RIMS2: variants seen among roughly 807,000 people sequenced by gnomAD.
The protein encoded by RIMS2 is regulating synaptic membrane exocytosis protein 2.
In RIMS2, 59 loss-of-function variants were observed where a neutral mutation model predicts 174.4. The observed-to-expected ratio is 0.34, with a 90% CI of 0.27 to 0.42. The LOEUF is 0.42. Ranked by LOEUF, RIMS2 falls within the 10% of genes least tolerant of loss-of-function variation. The probability of loss-of-function intolerance (pLI) is 1.00; values close to 1 mark genes in which losing one functional copy is unlikely to be tolerated. For missense variants in RIMS2, 1,620 were observed against 1,666.3 expected (o/e 0.97, Z 0.48); for synonymous variants, 606 against 572.5 (o/e 1.06, Z -0.84).
At chr8:103,662,178 C>A (rs2096609552) in intron 1 of RIMS2, among the ~76,000 whole-genome samples, 1 of 152,156 alleles carries the variant, frequency 6.6e-6, no homozygotes. Flanking sequence ...CTGTCCTGGG[C>A]CTCATGTGGC....
chr8:103,714,231 G>A (rs1355370124), intron 2 of RIMS2, among the ~76,000 whole-genome samples: 6 of 152,136 alleles, frequency 3.9e-5, no homozygotes, highest in African/African-American at 1.2e-4. Flanking sequence ...CTTACTATGG[G>A]CATGTTATTA....
chr8:103,876,864 T>TTATATATATATATATATA lies in RIMS2; in HGVS notation c.699-8405_699-8388dup, dbSNP rs199997824. On this transcript the variant is annotated intron_variant, in intron 3 of 23. Coordinates refer to ENST00000504942, the Ensembl canonical transcript of RIMS2. Reference sequence around the variant, plus strand: ...TGTATATATACACACACACACTATTTTATATATATATATATATATATATAT... The same window carrying TTATATATATATATATATA: ...TGTATATATACACACACACACTATTTTATATATATATATATATATATATATATATATATATATATATAT... 6.6e-4 allele frequency among the ~76,000 whole-genome samples: 45 copies of TTATATATATATATATATA among 68,042 alleles called. 1 individual carries two copies. The highest frequency in any genetic ancestry group is 1.0e-3 in the Admixed American group (5 of 4,972). The allele number at this position is 68,042 out of a possible 152,430, so 44.6% of individuals were successfully genotyped here. A position where few individuals can be genotyped will look rare whatever the true frequency, so the allele number is the denominator to read the frequency against.
At chr8:103,966,888 A>G (rs1311498898) in intron 15 of RIMS2, among the ~76,000 whole-genome samples, 5 of 151,874 alleles carry the variant, frequency 3.3e-5, no homozygotes, top group African/African-American at 7.2e-5. Flanking sequence ...ATTTAGAAAT[A>G]TATTATTGGG....
intron 1 of RIMS2, among the ~76,000 whole-genome samples, chr8:103,539,164 A>G (rs1453896240): frequency 6.6e-6 from 1 of 152,216 alleles, no homozygotes; most frequent in African/African-American, 2.4e-5. Flanking sequence ...GTATCTGTGA[A>G]TAGCCACTGC....
chr8:104,031,605 T>C (rs532016638), intron 19 of RIMS2, among the ~76,000 whole-genome samples: 103 of 152,260 alleles, frequency 6.8e-4, no homozygotes, highest in African/African-American at 2.4e-3. Context: ...ATCCCTGAAG[T>C]ATATTTAGAT....
rs79473258 is a variant in RIMS2, at chr8:104,244,474, G to A, written c.3335-442G>A. Among the ~76,000 whole-genome samples the A allele has an allele frequency of 8.0e-3, 1,215 of 152,208 alleles. 12 individuals are homozygous for A. The highest frequency in any genetic ancestry group is 0.027 in the African/African-American group (1,136 of 41,514). ...CTCACCATCTGTTTCTTTGTAAATT[G>A]TGTGAAGGCCTGGTTCTTTTACTAT... On this transcript the variant is annotated intron_variant, in intron 19 of 23. Coordinates refer to ENST00000504942, the Ensembl canonical transcript of RIMS2.
intron 19 of RIMS2, among the ~76,000 whole-genome samples, chr8:104,180,545 G>C (rs1179890986): frequency 1.4e-5 from 2 of 148,056 alleles, no homozygotes; most frequent in African/African-American, 2.6e-5. Context: ...AAACAGGAAG[G>C]AGGAGAAGAA....
intron 3 of RIMS2, among the ~76,000 whole-genome samples, chr8:103,864,971 C>G (rs2154503932): frequency 1.3e-5 from 2 of 152,178 alleles, no homozygotes; most frequent in Middle Eastern, 6.8e-3. Flanking sequence ...GCTTTATATT[C>G]AGAATGGATT....
chr8:104,200,331 A>T (rs2099048379), intron 19 of RIMS2, among the ~76,000 whole-genome samples: 1 of 152,228 alleles, frequency 6.6e-6, no homozygotes, highest in South Asian at 2.1e-4. Flanking sequence ...TTGTCCTATC[A>T]GTTCACTTAA....
intron 13 of RIMS2, among the ~76,000 whole-genome samples, chr8:103,942,193 G>A (rs190048610): frequency 5.3e-5 from 8 of 152,182 alleles, no homozygotes; most frequent in Admixed American, 4.6e-4. Context: ...GCCTCTGTGG[G>A]TCCATGTGTT....
rs71881969 is a variant in RIMS2 at position 103,858,732 on chromosome 8, T to TACACACAC, written c.699-26546_699-26539dup. On this transcript the variant is annotated intron_variant, in intron 3 of 23. Transcript: ENST00000504942. ...ATATACACATACCAATACATACCTA[T>TACACACAC]ACACACACACACACACACACACACA... Among the ~76,000 whole-genome samples the TACACACAC allele has an allele frequency of 3.4e-5, 5 of 145,324 alleles. No individual in the cohort carries two copies. In the Admixed American group the frequency reaches 3.5e-4, roughly 10 times the overall value.
chr8:104,011,192 G>A (rs1044710302), intron 17 of RIMS2, among the ~76,000 whole-genome samples: 1 of 152,088 alleles, frequency 6.6e-6, no homozygotes, highest in Non-Finnish European at 1.5e-5. Context: ...CAATGTGGGA[G>A]CAGGAGCCTG....
At chr8:104,051,171 G>A (rs1013522810) in intron 19 of RIMS2, among the ~76,000 whole-genome samples, 5 of 151,958 alleles carry the variant, frequency 3.3e-5, no homozygotes, top group African/African-American at 1.2e-4. Context: ...CCTAGGAGTT[G>A]GAGGCTGCAG....
chr8:103,705,449 CAGTT>C (rs1431710964), intron 2 of RIMS2, among the ~76,000 whole-genome samples: 2 of 152,108 alleles, frequency 1.3e-5, no homozygotes, highest in East Asian at 3.9e-4. Flanking sequence ...TTGTAAATGT[CAGTT>C]AGGTCCATTT....
chr8:103,853,316 T>G (rs946832050), intron 3 of RIMS2, among the ~76,000 whole-genome samples: 9 of 152,052 alleles, frequency 5.9e-5, no homozygotes, highest in African/African-American at 2.2e-4. Flanking sequence ...TGTGAATATT[T>G]TCTCCCATTC....
chr8:103,702,852 G>GTTTTT (rs59947900), intron 2 of RIMS2, among the ~76,000 whole-genome samples: 3 of 117,262 alleles, frequency 2.6e-5, no homozygotes, highest in Non-Finnish European at 3.5e-5. Flanking sequence ...TCCTCCAGCT[G>GTTTTT]TTTTTTTTTT....
At chr8:103,715,688 C>T (rs2097359780) in intron 2 of RIMS2, among the ~76,000 whole-genome samples, 1 of 152,110 alleles carries the variant, frequency 6.6e-6, no homozygotes, top group African/African-American at 2.4e-5. Flanking sequence ...TTATTTTCCA[C>T]ACTTATCATA....
intron 19 of RIMS2, among the ~76,000 whole-genome samples, chr8:104,182,816 C>G (rs1406375584): frequency 6.6e-6 from 1 of 151,688 alleles, no homozygotes; most frequent in African/African-American, 2.4e-5. Flanking sequence ...CTGGTTTTCT[C>G]CTCTATGAAG....
chr8:103,559,765 T>G (rs2091280735), intron 1 of RIMS2, among the ~76,000 whole-genome samples: 1 of 152,202 alleles, frequency 6.6e-6, no homozygotes, highest in African/African-American at 2.4e-5. Flanking sequence ...AACTAACAAG[T>G]TAGCCTGCCG....
Sources: gnomAD v4.1 joint callset for allele counts (sites outside exome capture counted in the v4.1 genomes callset) on GRCh38, gnomAD v4.1.1 for gene constraint, MANE v1.5 for transcripts, NCBI Gene and HGNC (gene_info 2026-07-23, HGNC 2026-07-21) for gene names.